The following VEGFA variants were observed in gnomAD, a reference collection of about 807,000 sequenced individuals.
VEGFA encodes the protein vascular endothelial growth factor A, long form.
In VEGFA, 20 loss-of-function variants were observed where a neutral mutation model predicts 49.7. That is an observed-to-expected ratio of 0.40 (90% CI 0.28 to 0.58). The LOEUF is 0.58. VEGFA is among the 20% of genes least tolerant of loss of function. VEGFA has a pLI of 0.40. For synonymous variants in VEGFA, 219 were observed against 223.4 expected (o/e 0.98, Z 0.18); for missense variants, 505 against 553.5 (o/e 0.91, Z 0.88).
At chr6:43,774,219 G>A in intron 1 of VEGFA, 122 bp from the exon 2 acceptor site, 1 of 1,035,990 alleles carries the variant, frequency 9.7e-7, no homozygotes, top group East Asian at 2.5e-5. Context: ...CGACTCAGAA[G>A]ACTTGGAGAA....
chr6:43,770,933 C>G lies in VEGFA; in HGVS notation c.227C>G (p.Pro76Arg). ...GTGGTCCGCGCGGGGGAAGCCGAGC[C>G]GAGCGGAGCCGCGAGAAGTGCTAGC... The change falls in exon 1 of 8, where the codon CCG (proline) becomes CGG (arginine). Residue 76 changes from proline (P) to arginine (R), a missense_variant. Physicochemically the swap from Pro to Arg is moderately radical, Grantham distance 103. Around this residue, in one of 2 missense-constraint regions of VEGFA, gnomAD observed 340 missense variants for 321.8 expected, o/e 1.06. Coordinates refer to ENST00000672860, the MANE Select transcript of VEGFA (RefSeq NM_003376.6). 6.5e-7 allele frequency: 1 copy of G among 1,544,568 alleles called. No individual in the cohort carries two copies. Among genetic ancestry groups the G allele is most frequent in the Non-Finnish European group, 8.7e-7 (1 of 1,145,440 alleles).
At chr6:43,772,181 G>GGTC in intron 1 of VEGFA, 1 of 629,654 alleles carries the variant, frequency 1.6e-6, no homozygotes, top group Non-Finnish European at 2.0e-6. Flanking sequence ...CCAGTGCTAG[G>GGTC]AGGAATTTCC....
At position 43,777,755 on chromosome 6, in the gene VEGFA, AT is replaced by A; in HGVS notation, c.855+93del. 1 of 1,419,358 alleles carries A rather than the reference AT, an allele frequency of 7.0e-7. No homozygotes were observed. Among genetic ancestry groups the A allele is most frequent in the Non-Finnish European group, 9.6e-7 (1 of 1,047,102 alleles). 87.9% of individuals were successfully genotyped at this position (1,419,358 alleles called of 1,614,324 possible). A position where few individuals can be genotyped will look rare whatever the true frequency, so the allele number is the denominator to read the frequency against. ...TGGTCCCAGGTCGTTTCCTGGCTAG[AT>A]TTGCCTTGTCTGGCTCCTGCCCCTG... On this transcript the variant is annotated intron_variant, in intron 3 of 7. Coordinates refer to ENST00000672860, the MANE Select transcript of VEGFA (RefSeq NM_003376.6). The surrounding 1 kb of genome is among the most constrained non-coding windows in gnomAD (Gnocchi z 4.3).
chr6:43,780,325 C>G (rs1038789525), intron 5 of VEGFA: 15 of 328,496 alleles, frequency 4.6e-5, no homozygotes, highest in South Asian at 3.8e-4. Context: ...TTTATCACCC[C>G]CGGACCTTCA....
At position 43,786,409 on chromosome 6, in the gene VEGFA, AAAC is replaced by A. The variant is rs1360859863; in HGVS notation, c.*1851_*1853del. ...TATTCCGTAGTACATATTTATTTTT[AAAC>A]AACGACAAAGAAATACAGATATATC... On this transcript the variant is annotated 3_prime_UTR_variant, in exon 8 of 8. Coordinates refer to ENST00000672860, the MANE Select transcript of VEGFA (RefSeq NM_003376.6). 1.2e-5 allele frequency: 2 copies of A among 173,450 alleles called. No individual in the cohort carries two copies. The highest frequency in any genetic ancestry group is 4.8e-5 in the African/African-American group (2 of 42,082). The allele number at this position is 173,450 out of a possible 1,614,324, so 10.7% of individuals were successfully genotyped here. A position where few individuals can be genotyped will look rare whatever the true frequency, so the allele number is the denominator to read the frequency against.
At chr6:43,779,534 C>T (rs956212496) in intron 5 of VEGFA, 5 of 383,020 alleles carry the variant, frequency 1.3e-5, no homozygotes, top group Admixed American at 6.6e-5. Flanking sequence ...CCCTTCAAGA[C>T]AGGGTGGGCG....
intron 1 of VEGFA, 96 bp from the exon 2 acceptor site, chr6:43,774,245 T>G (rs1582478445): frequency 7.5e-7 from 1 of 1,330,170 alleles, no homozygotes; most frequent in Non-Finnish European, 1.1e-6. Flanking sequence ...AGGCTGTTGG[T>G]GGGAGGGAAG....
At chr6:43,782,205 C>T (rs1768062751) in intron 7 of VEGFA, 118 bp downstream of exon 7, 11 of 1,449,360 alleles carry the variant, frequency 7.6e-6, no homozygotes, top group Non-Finnish European at 8.4e-6. Flanking sequence ...GGGCCAGCTG[C>T]TTGCTCAGTT....
Position 43,784,601 on chromosome 6 carries a change from A to G in VEGFA, c.*39A>G, listed in dbSNP as rs1335475234. On this transcript the variant is annotated 3_prime_UTR_variant, in exon 8 of 8. Transcript: ENST00000672860. The stretch of plus-strand genomic sequence containing the variant: ...AAGGAGCCTCCCTCAGGGTTTCGGG[A>G]ACCAGATCTCTCACCAGGAAAGACT... 2.5e-6 allele frequency: 4 copies of G among 1,614,098 alleles called. No homozygotes were observed. In the Admixed American group the frequency reaches 5.0e-5, roughly 20 times the overall value.
intron 1 of VEGFA, among the ~76,000 whole-genome samples, chr6:43,771,786 G>T (rs58414032): frequency 2.6e-5 from 4 of 152,006 alleles, no homozygotes; most frequent in African/African-American, 9.7e-5. Flanking sequence ...GGGAGAGGGG[G>T]CTTGCTGTCA....
At chr6:43,779,655 G>C in intron 5 of VEGFA, 1 of 463,920 alleles carries the variant, frequency 2.2e-6, no homozygotes, top group Non-Finnish European at 4.3e-6. Flanking sequence ...GGACATTGAA[G>C]CCCCCACCAG....
At chr6:43,778,674 C>G in intron 4 of VEGFA, 138 bp downstream of exon 4, 2 of 1,070,422 alleles carry the variant, frequency 1.9e-6, no homozygotes, top group South Asian at 2.7e-5. Flanking sequence ...TTCAATGTGC[C>G]TCAGTTTCTA....
chr6:43,778,173 G>A, intron 3 of VEGFA: 1 of 542,612 alleles, frequency 1.8e-6, no homozygotes, highest in South Asian at 2.0e-5. Flanking sequence ...AAGGGGAGGG[G>A]ATGGGGAGTG....
chr6:43,777,772 C>G lies in VEGFA; in HGVS notation c.855+107C>G, dbSNP rs1158386086. The stretch of plus-strand genomic sequence containing the variant: ...CTGGCTAGATTTGCCTTGTCTGGCT[C>G]CTGCCCCTGAGTTGCACAGGGGAGG... On this transcript the variant is annotated intron_variant, in intron 3 of 7. Coordinates refer to ENST00000672860, the MANE Select transcript of VEGFA (RefSeq NM_003376.6). The surrounding 1 kb of genome is among the most constrained non-coding windows in gnomAD (Gnocchi z 4.3). 7.8e-7 allele frequency: 1 copy of G among 1,275,772 alleles called. No individual in the cohort carries two copies. The highest frequency in any genetic ancestry group is 1.1e-6 in the Non-Finnish European group (1 of 922,092). The allele number at this position is 1,275,772 out of a possible 1,614,324, so 79.0% of individuals were successfully genotyped here.
chr6:43,784,162 T>A (rs1030789181), intron 7 of VEGFA: 8 of 344,342 alleles, frequency 2.3e-5, no homozygotes, highest in Non-Finnish European at 4.4e-5. Context: ...CCTCTTCTGA[T>A]TAACTTCATC....
In VEGFA at chr6:43,773,117, G is replaced by C. The variant is rs919033277; in HGVS notation, c.607-1224G>C. On this transcript the variant is annotated intron_variant, in intron 1 of 7. Coordinates refer to ENST00000672860, the MANE Select transcript of VEGFA (RefSeq NM_003376.6). This position sits in a 1 kb window ranked among gnomAD's most constrained non-coding sequence, Gnocchi z 5.6. ...CCTGCAGGAGCCGCAGTGGTAAGCT[G>C]TCCAGCTGGAAGCCTGGTAACTGTT... 14 of 153,710 alleles carry C rather than the reference G, an allele frequency of 9.1e-5. No individual in the cohort carries two copies. Among genetic ancestry groups the C allele is most frequent in the African/African-American group, 3.4e-4 (14 of 41,476 alleles). 9.5% of individuals were successfully genotyped at this position (153,710 alleles called of 1,614,324 possible).
chr6:43,785,697 TCCTTC>T lies in VEGFA; in HGVS notation c.*1148_*1152del, dbSNP rs1769342349. 1 of 195,994 alleles carries T rather than the reference TCCTTC, an allele frequency of 5.1e-6. No homozygotes were observed. The highest frequency in any genetic ancestry group is 1.1e-5 in the Non-Finnish European group (1 of 94,404). The allele number at this position is 195,994 out of a possible 1,614,324, so 12.1% of individuals were successfully genotyped here. ...TGGTTGACCTTCCTCCATCCCCTGG[TCCTTC>T]CCTTCCCTTCCCGAGGCACAGAGAG... On this transcript the variant is annotated 3_prime_UTR_variant, in exon 8 of 8. Coordinates refer to ENST00000672860, the MANE Select transcript of VEGFA (RefSeq NM_003376.6).
chr6:43,780,343 A>T, intron 5 of VEGFA: 5 of 350,060 alleles, frequency 1.4e-5, no homozygotes, highest in South Asian at 1.2e-4. Flanking sequence ...TCAGGGTCAG[A>T]CTTGGACAGG....
chr6:43,784,754 AG>A lies in VEGFA; in HGVS notation c.*195del. 9.8e-7 allele frequency: 1 copy of A among 1,020,714 alleles called. No individual in the cohort carries two copies. The highest frequency in any genetic ancestry group is 1.5e-6 in the Non-Finnish European group (1 of 660,854). 63.2% of individuals were successfully genotyped at this position (1,020,714 alleles called of 1,614,324 possible). On this transcript the variant is annotated 3_prime_UTR_variant, in exon 8 of 8. Coordinates refer to ENST00000672860, the MANE Select transcript of VEGFA (RefSeq NM_003376.6). ...TCTGCGCAGAGCACTTTGGGTCCGG[AG>A]GGCGAGACTCCGGCGGAAGCATTCC...
Sources: allele counts gnomAD v4.1 joint callset (sites outside exome capture counted in the v4.1 genomes callset), GRCh38; gene constraint gnomAD v4.1.1; regional missense constraint gnomAD v4.1.1; non-coding constraint Gnocchi (gnomAD v3.1); transcripts MANE v1.5; gene names NCBI Gene and HGNC (gene_info 2026-07-23, HGNC 2026-07-21).